Variants in CTNND2 observed in about 807,000 individuals in gnomAD.
CTNND2 encodes the protein catenin delta-2.
CTNND2 carries 22 observed loss-of-function variants against 144.4 expected under a neutral mutation model. The ratio of observed to expected loss-of-function variants is 0.15; its 90% CI spans 0.11 to 0.22. CTNND2 has a LOEUF of 0.22. CTNND2 is among the 10% of genes least tolerant of loss of function. The pLI, the probability that CTNND2 is intolerant of heterozygous loss-of-function variation, is 1.00. For missense variants in CTNND2, 1,353 were observed against 1,618.8 expected, an observed-to-expected ratio of 0.84 and a Z score of 2.82; for synonymous variants, 751 against 695.6, an observed-to-expected ratio of 1.08 and a Z score of -1.25.
chr5:11,350,241 A>C (rs1356152052), intron 8 of CTNND2, among the ~76,000 whole-genome samples: 3 of 152,180 alleles, frequency 2.0e-5, no homozygotes, highest in Non-Finnish European at 4.4e-5. Flanking sequence ...AAAACATATT[A>C]CGAGTCGGTA....
chr5:11,858,812 C>G (rs1795368535), intron 1 of CTNND2, among the ~76,000 whole-genome samples: 1 of 152,080 alleles, frequency 6.6e-6, no homozygotes, highest in Non-Finnish European at 1.5e-5. Flanking sequence ...GCCTGTAGCC[C>G]CAGCTATTCG....
At chr5:11,411,390 T>C (rs1761519011) in intron 5 of CTNND2, 146 bp downstream of exon 5, 5 of 597,924 alleles carry the variant, frequency 8.4e-6, no homozygotes, top group Non-Finnish European at 1.5e-5. Context: ...AGGGAACAGA[T>C]GGGACGGAGT....
chr5:11,496,445 G>A (rs964550526), intron 3 of CTNND2, among the ~76,000 whole-genome samples: 3 of 152,194 alleles, frequency 2.0e-5, no homozygotes, highest in Non-Finnish European at 4.4e-5. Context: ...AGTCCAATTA[G>A]AGCTGCTCTT....
chr5:11,560,284 C>A (rs1185236718), intron 3 of CTNND2, among the ~76,000 whole-genome samples: 1 of 152,094 alleles, frequency 6.6e-6, no homozygotes, highest in Non-Finnish European at 1.5e-5. Context: ...AGGAGCAGTC[C>A]ATAGATAGAT....
chr5:11,730,894 C>T (rs1304092805), intron 2 of CTNND2, among the ~76,000 whole-genome samples: 1 of 152,186 alleles, frequency 6.6e-6, no homozygotes, highest in Non-Finnish European at 1.5e-5. Flanking sequence ...CCAGATCACA[C>T]ATGAATAAGA....
intron 8 of CTNND2, among the ~76,000 whole-genome samples, chr5:11,347,460 C>T (rs1754916328): frequency 6.6e-6 from 1 of 151,950 alleles, no homozygotes; most frequent in South Asian, 2.1e-4. Flanking sequence ...TTTTTGTTTC[C>T]CTCTTGGATT....
chr5:11,174,763 A>T (rs1173429676), intron 11 of CTNND2, among the ~76,000 whole-genome samples: 1 of 152,230 alleles, frequency 6.6e-6, no homozygotes, highest in East Asian at 1.9e-4. Context: ...TCAAGGCAGG[A>T]GCAACATCAG....
intron 9 of CTNND2, among the ~76,000 whole-genome samples, chr5:11,247,970 A>C (rs1743174606): frequency 6.6e-6 from 1 of 152,210 alleles, no homozygotes; most frequent in Admixed American, 6.5e-5. Context: ...TTGCCCTGGA[A>C]ATTCTAACAG....
At chr5:11,052,069 T>C (rs1169785154) in intron 16 of CTNND2, among the ~76,000 whole-genome samples, 7 of 152,136 alleles carry the variant, frequency 4.6e-5, no homozygotes, top group Admixed American at 2.0e-4. Context: ...AGAGAGTCCA[T>C]CATGCTTTCC....
chr5:11,325,135 T>G (rs1264142132), intron 9 of CTNND2, among the ~76,000 whole-genome samples: 1 of 152,162 alleles, frequency 6.6e-6, no homozygotes, highest in Non-Finnish European at 1.5e-5. Context: ...TTTATTTTCC[T>G]TTGCAGGCTT....
intron 8 of CTNND2, among the ~76,000 whole-genome samples, chr5:11,357,373 T>C (rs1284419706): frequency 6.6e-6 from 1 of 152,102 alleles, no homozygotes; most frequent in Non-Finnish European, 1.5e-5. Context: ...AATCCTGCCA[T>C]TTGTGATAAC....
chr5:11,181,756 G>GTC (rs1734999825), intron 11 of CTNND2, among the ~76,000 whole-genome samples: 1 of 133,418 alleles, frequency 7.5e-6, no homozygotes, highest in Non-Finnish European at 1.7e-5. Context: ...GTGGATGTGT[G>GTC]TATGTGTGTG....
chr5:10,998,839 A>T (rs191097524), intron 18 of CTNND2, among the ~76,000 whole-genome samples: 495 of 152,360 alleles, frequency 3.2e-3, no homozygotes, highest in Non-Finnish European at 5.9e-3. Flanking sequence ...TTTACAGGAA[A>T]ATGTGCGTAG....
intron 2 of CTNND2, among the ~76,000 whole-genome samples, chr5:11,687,407 C>T (rs1004552448): frequency 6.6e-6 from 1 of 152,194 alleles, no homozygotes; most frequent in African/African-American, 2.4e-5. Flanking sequence ...TCTTTCCTAC[C>T]TAGATTCTAG....
At chr5:11,658,359 A>G (rs942953835) in intron 2 of CTNND2, among the ~76,000 whole-genome samples, 2 of 152,146 alleles carry the variant, frequency 1.3e-5, no homozygotes, top group African/African-American at 4.8e-5. Context: ...CAAGAGCAAG[A>G]TGAAGAACTA....
At chr5:11,258,086 C>T (rs1744462209) in intron 9 of CTNND2, among the ~76,000 whole-genome samples, 1 of 152,188 alleles carries the variant, frequency 6.6e-6, no homozygotes. Flanking sequence ...ATCCTTTCAG[C>T]GTAGCATCCC....
At chr5:11,883,115 T>C (rs1202946126) in intron 1 of CTNND2, among the ~76,000 whole-genome samples, 2 of 152,174 alleles carry the variant, frequency 1.3e-5, no homozygotes, top group Non-Finnish European at 2.9e-5. Flanking sequence ...GACTGCTCAC[T>C]GTTGGGCATA....
chr5:11,362,593 T>G (rs767641619), intron 8 of CTNND2, among the ~76,000 whole-genome samples: 10 of 152,210 alleles, frequency 6.6e-5, no homozygotes, highest in Non-Finnish European at 1.2e-4. Context: ...TCAATCAGCA[T>G]GTTTTCTCAA....
intron 1 of CTNND2, among the ~76,000 whole-genome samples, chr5:11,806,460 A>G (rs561518714): frequency 6.6e-6 from 1 of 152,284 alleles, no homozygotes; most frequent in South Asian, 2.1e-4. Context: ...GTGATCAGAG[A>G]TGTCATAGTA....
Sources: allele counts gnomAD v4.1 joint callset (sites outside exome capture counted in the v4.1 genomes callset), GRCh38; gene constraint gnomAD v4.1.1; transcripts MANE v1.5; gene names NCBI Gene and HGNC (gene_info 2026-07-23, HGNC 2026-07-21).